Variants in CCDC88C observed in about 807,000 individuals in gnomAD.
The protein encoded by CCDC88C is protein Daple.
A neutral mutation model predicts 198.8 loss-of-function variants in CCDC88C; 131 were observed. The ratio of observed to expected loss-of-function variants is 0.66; its 90% CI spans 0.57 to 0.76. The LOEUF (loss-of-function observed/expected upper bound fraction) is 0.76, where lower values mean the gene tolerates loss of function less well. Ranked by LOEUF, CCDC88C falls within the 30% of genes least tolerant of loss-of-function variation. The pLI, the probability that CCDC88C is intolerant of heterozygous loss-of-function variation, is 0.00. For synonymous variants in CCDC88C, 1,166 were observed against 1,114.7 expected, an observed-to-expected ratio of 1.05 and a Z score of -0.92; for missense variants, 2,553 against 2,631.6, an observed-to-expected ratio of 0.97 and a Z score of 0.65.
chr14:91,289,411 C>T, intron 24 of CCDC88C, 68 bp from the exon 25 acceptor site: 1 of 1,347,002 alleles, frequency 7.4e-7, no homozygotes, highest in South Asian at 1.2e-5. Context: ...CCCTGGTTCC[C>T]TAACATGGGC....
chr14:91,347,065 A>G (rs191132300), intron 4 of CCDC88C, among the ~76,000 whole-genome samples: 2 of 152,230 alleles, frequency 1.3e-5, no homozygotes, highest in Admixed American at 1.3e-4. Context: ...TGCTGGATAT[A>G]AGAGGCACAG....
At chr14:91,413,497 G>A (rs897387337) in intron 2 of CCDC88C, among the ~76,000 whole-genome samples, 2 of 152,188 alleles carry the variant, frequency 1.3e-5, no homozygotes, top group Non-Finnish European at 2.9e-5. Context: ...CGTGTCCAAA[G>A]TTAACCAGAG....
intron 4 of CCDC88C, among the ~76,000 whole-genome samples, chr14:91,345,190 A>ATATTTTTTTTTTTTTT (rs1246878587): frequency 1.9e-5 from 1 of 52,200 alleles, no homozygotes; most frequent in African/African-American, 7.9e-5. Context: ...ATATATATAT[A>ATATTTTTTTTTTTTTT]TTTTTTTTTT....
At chr14:91,331,763 C>T (rs1366948198) in intron 10 of CCDC88C, among the ~76,000 whole-genome samples, 1 of 152,192 alleles carries the variant, frequency 6.6e-6, no homozygotes, top group Admixed American at 6.5e-5. Context: ...CATGCTCCTA[C>T]ATCACAGGAT....
Position 91,371,993 on chromosome 14 carries a change from G to A in CCDC88C, c.271-12282C>T, listed in dbSNP as rs1439482492. 3.3e-5 allele frequency among the ~76,000 whole-genome samples: 5 copies of A among 152,144 alleles called. No homozygotes were observed. Among genetic ancestry groups the A allele is most frequent in the South Asian group, 2.1e-4 (1 of 4,832 alleles). On this transcript the variant is annotated intron_variant, in intron 3 of 29. Transcript: ENST00000389857. This position sits in a 1 kb window ranked among gnomAD's most constrained non-coding sequence, Gnocchi z 4.2. ...GGGGGCAGCCAGCCCCCAACCTCAC[G>A]CCCCAACCTGAGCCCAGGCCTCAGG...
intron 17 of CCDC88C, 107 bp from the exon 18 acceptor site, chr14:91,307,333 T>C (rs947683176): frequency 2.1e-6 from 2 of 938,488 alleles, no homozygotes; most frequent in South Asian, 2.8e-5. Flanking sequence ...ACACTCCCCA[T>C]ACTCGCCCGC....
In CCDC88C at chr14:91,365,231, C is replaced by CTGAGAGGCAGGACAGAA. The variant is rs1007482774; in HGVS notation, c.271-5537_271-5521dup. Among the ~76,000 whole-genome samples, 173 of 152,096 alleles carry CTGAGAGGCAGGACAGAA rather than the reference C, an allele frequency of 1.1e-3. 1 individual carries two copies. The highest frequency in any genetic ancestry group is 3.9e-3 in the African/African-American group (160 of 41,424). On this transcript the variant is annotated intron_variant, in intron 3 of 29. Coordinates refer to ENST00000389857, the MANE Select transcript of CCDC88C (RefSeq NM_001080414.4). Reference sequence around the variant, plus strand: ...TCACCTTGCTGGGGCTTCTGCCCTCCTGAGAGGCAGGACAGAATGAGAGGC... The same window carrying CTGAGAGGCAGGACAGAA: ...TCACCTTGCTGGGGCTTCTGCCCTCCTGAGAGGCAGGACAGAATGAGAGGCAGGACAGAATGAGAGGC...
At chr14:91,374,320 C>T (rs1894975792) in intron 3 of CCDC88C, among the ~76,000 whole-genome samples, 1 of 152,204 alleles carries the variant, frequency 6.6e-6, no homozygotes, top group African/African-American at 2.4e-5. Flanking sequence ...GGGTTAAGTC[C>T]ACCAGGTATC....
chr14:91,389,182 G>A (rs994552427), intron 3 of CCDC88C, among the ~76,000 whole-genome samples: 2 of 152,172 alleles, frequency 1.3e-5, no homozygotes, highest in Non-Finnish European at 1.5e-5. Context: ...CTGGTCAAGT[G>A]GAGTGGGGGT....
At chr14:91,280,798 A>G (rs769846629) in intron 27 of CCDC88C, among the ~76,000 whole-genome samples, 5 of 152,012 alleles carry the variant, frequency 3.3e-5, no homozygotes, top group African/African-American at 1.2e-4. Flanking sequence ...ACTCAAGTAG[A>G]AGACTGTAAG....
chr14:91,408,588 G>A (rs966534065), intron 3 of CCDC88C, 71 bp downstream of exon 3: 18 of 986,942 alleles, frequency 1.8e-5, no homozygotes, highest in Non-Finnish European at 2.4e-5. Context: ...CCGGCCTCCT[G>A]TGGGAAAACC....
intron 3 of CCDC88C, among the ~76,000 whole-genome samples, chr14:91,400,106 C>A (rs1429480047): frequency 6.6e-6 from 1 of 152,038 alleles, no homozygotes; most frequent in Non-Finnish European, 1.5e-5. Context: ...ATCCCATGTC[C>A]TGCGTACACA....
intron 15 of CCDC88C, among the ~76,000 whole-genome samples, chr14:91,311,005 C>T (rs543552658): frequency 6.6e-6 from 1 of 152,302 alleles, no homozygotes; most frequent in East Asian, 1.9e-4. Flanking sequence ...ATGTGGGTGA[C>T]TCCCTGACTG....
chr14:91,356,271 T>G (rs190094830), intron 4 of CCDC88C, among the ~76,000 whole-genome samples: 1 of 152,316 alleles, frequency 6.6e-6, no homozygotes, highest in Admixed American at 6.5e-5. Flanking sequence ...ATGGGACCCC[T>G]GTCAAACCTA....
chr14:91,411,201 T>G (rs1302582932), intron 2 of CCDC88C, among the ~76,000 whole-genome samples: 1 of 151,992 alleles, frequency 6.6e-6, no homozygotes, highest in African/African-American at 2.4e-5. Context: ...CAGGCACATC[T>G]CAATCTCCAC....
rs1162360177 is a variant in CCDC88C, at chr14:91,284,209, T to C, written c.4442-692A>G. ...GAGGACAGGCTCTCCCAACACAAGA[T>C]AAAAATGAACATGGCTGGCATTCCT... is the stretch of plus-strand genomic sequence containing the variant. On this transcript the variant is annotated intron_variant, in intron 25 of 29. Transcript: ENST00000389857. The surrounding 1 kb of genome is among the most constrained non-coding windows in gnomAD (Gnocchi z 4.1). 4.6e-5 allele frequency among the ~76,000 whole-genome samples: 7 copies of C among 152,088 alleles called. No individual in the cohort carries two copies. The highest frequency in any genetic ancestry group is 7.2e-5 in the African/African-American group (3 of 41,396).
chr14:91,364,222 C>T (rs1341021050), intron 3 of CCDC88C, among the ~76,000 whole-genome samples: 2 of 152,210 alleles, frequency 1.3e-5, no homozygotes, highest in Non-Finnish European at 2.9e-5. Flanking sequence ...GGCACATGGC[C>T]CTCCAAGGGA....
intron 2 of CCDC88C, among the ~76,000 whole-genome samples, chr14:91,411,134 C>T (rs1172301789): frequency 6.6e-6 from 1 of 152,162 alleles, no homozygotes; most frequent in Non-Finnish European, 1.5e-5. Context: ...CTAAGCCTCT[C>T]TGGGTAGAGA....
At chr14:91,382,203 A>G (rs151173700) in intron 3 of CCDC88C, among the ~76,000 whole-genome samples, 1 of 152,286 alleles carries the variant, frequency 6.6e-6, no homozygotes, top group African/African-American at 2.4e-5. Context: ...CACAGCAGAC[A>G]TCACTAATTG....
Sources: allele counts gnomAD v4.1 joint callset (sites outside exome capture counted in the v4.1 genomes callset), GRCh38; gene constraint gnomAD v4.1.1; non-coding constraint Gnocchi (gnomAD v3.1); transcripts MANE v1.5; gene names NCBI Gene and HGNC (gene_info 2026-07-23, HGNC 2026-07-21).